Variants in L3MBTL4 observed in about 807,000 individuals in gnomAD.
The protein encoded by L3MBTL4 is L3MBTL histone methyl-lysine binding protein 4, also known as lethal(3)malignant brain tumor-like protein 4.
Under a neutral mutation model 84.5 loss-of-function variants are expected in L3MBTL4, and 70 were observed. The ratio of observed to expected loss-of-function variants is 0.83; its 90% CI spans 0.68 to 1.01. The LOEUF is 1.01. Among genes scored for constraint, L3MBTL4 ranks in the 50% least tolerant of loss-of-function variants. L3MBTL4 has a pLI of 0.00. For missense variants in L3MBTL4, 715 were observed against 754.8 expected, an observed-to-expected ratio of 0.95 and a Z score of 0.62; for synonymous variants, 274 against 259.8, an observed-to-expected ratio of 1.05 and a Z score of -0.52.
At chr18:6,337,011 T>C (rs1185898701) in intron 1 of L3MBTL4, among the ~76,000 whole-genome samples, 1 of 152,166 alleles carries the variant, frequency 6.6e-6, no homozygotes, top group Non-Finnish European at 1.5e-5. Context: ...AAATACAATA[T>C]CTGAAACTCA....
At chr18:6,087,395 T>A (rs187217650) in intron 15 of L3MBTL4, among the ~76,000 whole-genome samples, 17 of 152,258 alleles carry the variant, frequency 1.1e-4, no homozygotes, top group Admixed American at 1.0e-3. Flanking sequence ...GGCATTGGTG[T>A]CCTTGTCTCC....
intron 4 of L3MBTL4, among the ~76,000 whole-genome samples, chr18:6,295,336 C>CTA (rs1278971052): frequency 7.6e-5 from 10 of 130,810 alleles, no homozygotes; most frequent in East Asian, 2.2e-4. Flanking sequence ...CTCTCTCTCT[C>CTA]TCTCTCTCTC....
chr18:6,097,450 C>T (rs28450933), intron 14 of L3MBTL4, among the ~76,000 whole-genome samples: 35,466 of 152,020 alleles, frequency 0.23, 6,336 homozygotes, highest in African/African-American at 0.51. Flanking sequence ...AGCAGCAACA[C>T]TGAGCCCCTG....
intron 11 of L3MBTL4, among the ~76,000 whole-genome samples, chr18:6,215,053 A>G (rs2046267313): frequency 6.6e-6 from 1 of 152,126 alleles, no homozygotes; most frequent in Admixed American, 6.5e-5. Context: ...GCCGCTCTTG[A>G]TCTCTAGACA....
chr18:6,362,686 A>G (rs1356884098), intron 1 of L3MBTL4, among the ~76,000 whole-genome samples: 3 of 152,238 alleles, frequency 2.0e-5, no homozygotes, highest in African/African-American at 7.2e-5. Context: ...ACTTTTTCCA[A>G]TAAAACACTT....
chr18:6,199,009 C>G (rs182481557), intron 12 of L3MBTL4, among the ~76,000 whole-genome samples: 3 of 152,284 alleles, frequency 2.0e-5, no homozygotes, highest in East Asian at 1.9e-4. Context: ...TTTCTCCCCA[C>G]TCATTTAAAT....
rs111595039 is a variant in L3MBTL4 at position 6,032,385 on chromosome 18, TACAC to T, written c.1444+48492_1444+48495del. 7.9e-3 allele frequency: 2,749 copies of T among 346,212 alleles called. 46 individuals carry two copies. The highest frequency in any genetic ancestry group is 0.045 in the African/African-American group (1,977 of 43,988). 21.4% of individuals were successfully genotyped at this position (346,212 alleles called of 1,614,324 possible). A position where few individuals can be genotyped will look rare whatever the true frequency, so the allele number is the denominator to read the frequency against. ...GAATCTGCGTTTTCATGAAATATGTTACACACACACACACACACACACACACACA... is the reference window on the plus strand; with the variant it reads ...GAATCTGCGTTTTCATGAAATATGTTACACACACACACACACACACACACA... On this transcript the variant is annotated intron_variant, in intron 16 of 18. Transcript: ENST00000317931.
intron 1 of L3MBTL4, among the ~76,000 whole-genome samples, chr18:6,399,060 T>C (rs1227139082): frequency 6.6e-6 from 1 of 152,218 alleles, no homozygotes; most frequent in Non-Finnish European, 1.5e-5. Context: ...CAATGTACTT[T>C]TCCTATTTAT....
chr18:6,080,995 A>G, intron 15 of L3MBTL4, 44 bp from the exon 16 acceptor site: 1 of 1,435,842 alleles, frequency 7.0e-7, no homozygotes, highest in Non-Finnish European at 9.6e-7. Flanking sequence ...TTATCCTGTG[A>G]GGTAGGAAGA....
intron 16 of L3MBTL4, among the ~76,000 whole-genome samples, chr18:5,974,210 T>C (rs1001214629): frequency 2.6e-5 from 4 of 152,182 alleles, no homozygotes; most frequent in African/African-American, 9.7e-5. Context: ...GATGAAGAGC[T>C]TAAAGATTTC....
At chr18:6,053,295 T>G (rs2056898767) in intron 16 of L3MBTL4, among the ~76,000 whole-genome samples, 1 of 152,214 alleles carries the variant, frequency 6.6e-6, no homozygotes, top group African/African-American at 2.4e-5. Context: ...GAGTTTCCAC[T>G]GCAGGACTGG....
At chr18:6,038,554 T>A (rs1168432053) in intron 16 of L3MBTL4, among the ~76,000 whole-genome samples, 2 of 152,114 alleles carry the variant, frequency 1.3e-5, no homozygotes, top group Admixed American at 1.3e-4. Flanking sequence ...GCACCTGGCC[T>A]CTGGATCATT....
intron 5 of L3MBTL4, among the ~76,000 whole-genome samples, chr18:6,250,493 C>T (rs1303104289): frequency 6.6e-6 from 1 of 152,206 alleles, no homozygotes; most frequent in African/African-American, 2.4e-5. Flanking sequence ...GGCAGAGCAT[C>T]AGCTAGGGGT....
At chr18:6,108,375 T>C (rs921064171) in intron 14 of L3MBTL4, among the ~76,000 whole-genome samples, 38 of 152,206 alleles carry the variant, frequency 2.5e-4, no homozygotes, top group African/African-American at 8.4e-4. Context: ...AAACTGTCTA[T>C]AAAAAAACAG....
At chr18:6,081,861 C>T (rs2058087625) in intron 15 of L3MBTL4, among the ~76,000 whole-genome samples, 1 of 152,164 alleles carries the variant, frequency 6.6e-6, no homozygotes, top group South Asian at 2.1e-4. Flanking sequence ...AATGTTCTAT[C>T]AGTTAGAGAT....
chr18:6,253,202 A>G (rs908658640), intron 5 of L3MBTL4, among the ~76,000 whole-genome samples: 1 of 129,198 alleles, frequency 7.7e-6, no homozygotes, highest in African/African-American at 4.9e-5. Flanking sequence ...CTCCGTCTCA[A>G]AACAAACAAA....
chr18:6,297,326 G>T (rs752452690), intron 4 of L3MBTL4, among the ~76,000 whole-genome samples: 1 of 152,168 alleles, frequency 6.6e-6, no homozygotes, highest in Non-Finnish European at 1.5e-5. Flanking sequence ...TGATATTCTG[G>T]GCTGTCTTGG....
intron 1 of L3MBTL4, among the ~76,000 whole-genome samples, chr18:6,322,315 G>A (rs1260312041): frequency 1.3e-5 from 2 of 151,672 alleles, no homozygotes; most frequent in Non-Finnish European, 2.9e-5. Context: ...TCCATTCTGG[G>A]TGACAGAGTG....
chr18:6,392,092 C>T (rs1426032114), intron 1 of L3MBTL4, among the ~76,000 whole-genome samples: 1 of 152,154 alleles, frequency 6.6e-6, no homozygotes, highest in African/African-American at 2.4e-5. Context: ...CATTACCAGA[C>T]TTCAAATTAT....
Sources: gnomAD v4.1 joint callset for allele counts (sites outside exome capture counted in the v4.1 genomes callset) on GRCh38, gnomAD v4.1.1 for gene constraint, MANE v1.5 for transcripts, NCBI Gene and HGNC (gene_info 2026-07-23, HGNC 2026-07-21) for gene names.